Variants in PTPRN2 observed in about 807,000 individuals in gnomAD.
PTPRN2 encodes receptor-type tyrosine-protein phosphatase N2.
In PTPRN2, 74 loss-of-function variants were observed where a neutral mutation model predicts 118.8. The observed-to-expected ratio is 0.62, with a 90% CI of 0.52 to 0.76. The LOEUF (loss-of-function observed/expected upper bound fraction) is 0.76. Ranked by LOEUF, PTPRN2 falls within the 30% of genes least tolerant of loss-of-function variation. The probability of loss-of-function intolerance (pLI) is 0.00; values close to 1 mark genes in which losing one functional copy is unlikely to be tolerated. For missense variants in PTPRN2, 1,481 were observed against 1,394.4 expected (o/e 1.06, Z -0.99); for synonymous variants, 641 against 608.0 (o/e 1.05, Z -0.80).
chr7:158,172,122 C>T (rs1225832277), intron 5 of PTPRN2, among the ~76,000 whole-genome samples: 3 of 152,128 alleles, frequency 2.0e-5, no homozygotes, highest in African/African-American at 7.2e-5. Context: ...AAGCAGAACC[C>T]ACTCGCCCAC....
rs187203161 is a variant in PTPRN2 at position 157,787,166 on chromosome 7, G to A, written c.1789-104229C>T. On this transcript the variant is annotated intron_variant, in intron 12 of 22. Transcript: ENST00000389418. This position sits in a 1 kb window ranked among gnomAD's most constrained non-coding sequence, Gnocchi z 5.3. ...CCCGGGAGGCGGACGCGGGTGCGGCGGGGGACGCGGGGGTGGCTGCCCGGG... is the reference window on the plus strand; with the variant it reads ...CCCGGGAGGCGGACGCGGGTGCGGCAGGGGACGCGGGGGTGGCTGCCCGGG... 0.027 allele frequency among the ~76,000 whole-genome samples: 3,938 copies of A among 146,698 alleles called. 244 individuals carry two copies. Among genetic ancestry groups the A allele is most frequent in the African/African-American group, 0.096 (3,708 of 38,774 alleles).
intron 11 of PTPRN2, among the ~76,000 whole-genome samples, chr7:158,054,175 C>T (rs558281355): frequency 1.8e-4 from 27 of 152,242 alleles, no homozygotes; most frequent in Admixed American, 7.2e-4. Context: ...ACACAGGTTT[C>T]GGCTAAAAGT....
intron 2 of PTPRN2, among the ~76,000 whole-genome samples, chr7:158,472,398 T>C (rs1819925208): frequency 6.6e-6 from 1 of 152,194 alleles, no homozygotes; most frequent in Non-Finnish European, 1.5e-5. Context: ...CAAAAATACA[T>C]GCCCTGTTAT....
At chr7:158,356,358 C>A (rs1209337980) in intron 2 of PTPRN2, among the ~76,000 whole-genome samples, 5 of 152,324 alleles carry the variant, frequency 3.3e-5, no homozygotes, top group South Asian at 4.1e-4. Context: ...TCAAAGGCAA[C>A]CTTAAGGCTT....
At chr7:158,260,338 C>T (rs1797314717) in intron 3 of PTPRN2, among the ~76,000 whole-genome samples, 2 of 152,234 alleles carry the variant, frequency 1.3e-5, no homozygotes, top group Non-Finnish European at 2.9e-5. Flanking sequence ...CTTCTCAGCA[C>T]ACAGCTCAAA....
intron 2 of PTPRN2, among the ~76,000 whole-genome samples, chr7:158,351,870 AGCTCCCCTCCTGTCT>A (rs1807968980): frequency 1.7e-5 from 2 of 115,624 alleles, no homozygotes; most frequent in Non-Finnish European, 3.7e-5. Context: ...CTCCCAGCCC[AGCTCCCCTCCTGTCT>A]GCTCGCCTCC....
chr7:157,717,387 G>A (rs1798976878), intron 12 of PTPRN2, among the ~76,000 whole-genome samples: 1 of 152,266 alleles, frequency 6.6e-6, no homozygotes, highest in African/African-American at 2.4e-5. Flanking sequence ...TGGACACTCA[G>A]CACCTGCATG....
chr7:158,406,089 G>C (rs1813402951), intron 2 of PTPRN2, among the ~76,000 whole-genome samples: 1 of 93,798 alleles, frequency 1.1e-5, no homozygotes, highest in Non-Finnish European at 2.3e-5. Context: ...GCTCATCCAT[G>C]AGACACGTGG....
At chr7:158,001,613 G>T (rs1021910060) in intron 11 of PTPRN2, among the ~76,000 whole-genome samples, 1 of 152,070 alleles carries the variant, frequency 6.6e-6, no homozygotes, top group Non-Finnish European at 1.5e-5. Context: ...GCAGACAGAC[G>T]CAGGCAGTGT....
intron 11 of PTPRN2, among the ~76,000 whole-genome samples, chr7:157,899,871 A>G (rs758003011): frequency 5.9e-5 from 9 of 152,208 alleles, no homozygotes; most frequent in Admixed American, 1.3e-4. Context: ...ATACTTTATG[A>G]TGGGGTAGAG....
intron 12 of PTPRN2, among the ~76,000 whole-genome samples, chr7:157,818,239 C>T (rs1028091753): frequency 4.6e-5 from 7 of 151,374 alleles, no homozygotes; most frequent in African/African-American, 1.7e-4. Context: ...TGTGTGTGCC[C>T]GTGCATGTGT....
chr7:158,412,598 G>A (rs1814228059), intron 2 of PTPRN2, among the ~76,000 whole-genome samples: 2 of 93,896 alleles, frequency 2.1e-5, no homozygotes, highest in African/African-American at 4.7e-5. Context: ...CAGCTCCAGG[G>A]CCCATCCAGT....
intron 3 of PTPRN2, among the ~76,000 whole-genome samples, chr7:158,269,463 G>A (rs951232727): frequency 6.6e-6 from 1 of 152,232 alleles, no homozygotes; most frequent in Non-Finnish European, 1.5e-5. Flanking sequence ...GCCCAGGCTG[G>A]CTGTCTTTGC....
intron 12 of PTPRN2, among the ~76,000 whole-genome samples, chr7:157,898,426 G>C (rs1443757606): frequency 6.6e-6 from 1 of 152,196 alleles, no homozygotes; most frequent in Non-Finnish European, 1.5e-5. Flanking sequence ...AGCCATGAAT[G>C]CTTTTTCTTG....
chr7:158,165,171 C>T (rs1226045793), intron 6 of PTPRN2, among the ~76,000 whole-genome samples: 2 of 152,150 alleles, frequency 1.3e-5, no homozygotes, highest in Admixed American at 6.5e-5. Flanking sequence ...CCGATGGTGT[C>T]TAGTACCCAC....
intron 12 of PTPRN2, among the ~76,000 whole-genome samples, chr7:157,717,234 A>G (rs146880147): frequency 2.2e-4 from 34 of 152,380 alleles, no homozygotes; most frequent in African/African-American, 7.9e-4. Flanking sequence ...GGGTCCAACA[A>G]GCCTCACTTA....
chr7:157,757,653 C>A (rs7792841), intron 12 of PTPRN2, among the ~76,000 whole-genome samples: 15,056 of 150,550 alleles, frequency 0.1, 1,635 homozygotes, highest in African/African-American at 0.27. Context: ...CTGGTATGCT[C>A]TGTGGCTCAC....
chr7:158,295,124 C>A (rs1800393459), intron 3 of PTPRN2, among the ~76,000 whole-genome samples: 1 of 143,502 alleles, frequency 7.0e-6, no homozygotes, highest in Admixed American at 7.0e-5. Context: ...TTCCGAGGGT[C>A]AGAGCCCATG....
intron 12 of PTPRN2, among the ~76,000 whole-genome samples, chr7:157,800,275 C>T (rs1805180087): frequency 6.6e-6 from 1 of 152,356 alleles, no homozygotes; most frequent in African/African-American, 2.4e-5. Context: ...TCCTAACGCT[C>T]AGAGGCCTCT....
Sources: gnomAD v4.1 joint callset for allele counts (sites outside exome capture counted in the v4.1 genomes callset) on GRCh38, gnomAD v4.1.1 for gene constraint, Gnocchi (gnomAD v3.1) non-coding constraint, MANE v1.5 for transcripts, NCBI Gene and HGNC (gene_info 2026-07-23, HGNC 2026-07-21) for gene names.